Variants in SERPINF1 observed in about 807,000 individuals in gnomAD.
SERPINF1 encodes the protein serpin family F member 1.
SERPINF1 carries 29 observed loss-of-function variants against 37.3 expected under a neutral mutation model. The observed-to-expected ratio is 0.78, with a 90% CI of 0.58 to 1.06. SERPINF1 has a LOEUF of 1.06. SERPINF1 is among the 50% of genes least tolerant of loss of function. The pLI, the probability that SERPINF1 is intolerant of heterozygous loss-of-function variation, is 0.00. For synonymous variants in SERPINF1, 281 were observed against 227.9 expected, an observed-to-expected ratio of 1.23 and a Z score of -2.10; for missense variants, 553 against 532.2, an observed-to-expected ratio of 1.04 and a Z score of -0.38.
intron 1 of SERPINF1, chr17:1,766,597 T>TAAATAAAA (rs1184949948): frequency 5.4e-6 from 1 of 185,008 alleles, no homozygotes; most frequent in Non-Finnish European, 1.1e-5. Flanking sequence ...AATAAATAAA[T>TAAATAAAA]AAAAGCTTTA....
Position 1,774,980 on chromosome 17 carries a change from G to A in SERPINF1, c.644-78G>A, listed in dbSNP as rs575240591. 8.2e-6 allele frequency: 13 copies of A among 1,592,856 alleles called. No individual in the cohort carries two copies. In the East Asian group the frequency reaches 1.8e-4, roughly 22 times the overall value. ...CTTGAGTGGGGCAATTTTCAACAACGTGCTCTGGGGACACAGCATGGCGCC... is the reference window on the plus strand; with the variant it reads ...CTTGAGTGGGGCAATTTTCAACAACATGCTCTGGGGACACAGCATGGCGCC... On this transcript the variant is annotated intron_variant, in intron 5 of 7. Transcript: ENST00000254722.
chr17:1,767,903 G>A (rs898275378), intron 2 of SERPINF1, among the ~76,000 whole-genome samples: 5 of 152,146 alleles, frequency 3.3e-5, no homozygotes, highest in Admixed American at 2.6e-4. Context: ...GGCAATGGGC[G>A]GAAATAAAAA....
intron 6 of SERPINF1, among the ~76,000 whole-genome samples, chr17:1,776,127 C>CGG (rs1908014257): frequency 6.6e-6 from 1 of 152,046 alleles, no homozygotes; most frequent in Admixed American, 6.5e-5. Flanking sequence ...AGCCCTCTTA[C>CGG]GGCCCCTTCG....
At chr17:1,772,237 C>T (rs958336505) in intron 5 of SERPINF1, among the ~76,000 whole-genome samples, 162 bp downstream of exon 5, 24 of 152,124 alleles carry the variant, frequency 1.6e-4, no homozygotes, top group Admixed American at 3.9e-4. Flanking sequence ...GTGCCTCAGC[C>T]TCCCGAGTAG....
At position 1,766,963 on chromosome 17, in the gene SERPINF1, G is replaced by A. The variant is rs1468875256; in HGVS notation, c.53G>A (p.Ser18Asn). 1.9e-6 allele frequency: 3 copies of A among 1,561,994 alleles called. No homozygotes were observed. The highest frequency in any genetic ancestry group is 4.8e-5 in the East Asian group (2 of 42,078). ...ATTGGAGCCCTCCTCGGGCACAGCA[G>A]CTGCCAGAACCCTGCCAGCCCCCCG... ...LCIGALLGHS[S>N]CQNPASPPEE... Residue 18 changes from serine to asparagine, a missense_variant, in exon 2 of 8, where the codon AGC (serine) becomes AAC (asparagine). Transcript: ENST00000254722.
At chr17:1,774,973 C>T in intron 5 of SERPINF1, 85 bp from the exon 6 acceptor site, 4 of 1,587,736 alleles carry the variant, frequency 2.5e-6, no homozygotes, top group Non-Finnish European at 3.5e-6. Flanking sequence ...GGGCAATTTT[C>T]AACAACGTGC....
chr17:1,774,669 C>T (rs952119976), intron 5 of SERPINF1, among the ~76,000 whole-genome samples: 1 of 151,972 alleles, frequency 6.6e-6, no homozygotes, highest in Non-Finnish European at 1.5e-5. Flanking sequence ...TTCATGTTGG[C>T]CAGGCTGGTC....
At chr17:1,764,139 G>A (rs1907234776) in intron 1 of SERPINF1, among the ~76,000 whole-genome samples, 2 of 152,204 alleles carry the variant, frequency 1.3e-5, no homozygotes, top group South Asian at 2.1e-4. Context: ...CTGAGATCGC[G>A]CCACTGCACT....
chr17:1,769,164 C>T (rs1276542773), intron 2 of SERPINF1, among the ~76,000 whole-genome samples: 5 of 150,624 alleles, frequency 3.3e-5, no homozygotes, highest in Admixed American at 6.6e-5. Flanking sequence ...AATCCCAGCA[C>T]TTTGGTAGAC....
At position 1,776,674 on chromosome 17, in the gene SERPINF1, C is replaced by T. The variant is rs190292375; in HGVS notation, c.929C>T (p.Ala310Val). ...GACCGAGAACTGAAGACCGTGCAGGCGGTCCTCACTGTCCCCAAGCTGAAG... is the reference window on the plus strand; with the variant it reads ...GACCGAGAACTGAAGACCGTGCAGGTGGTCCTCACTGTCCCCAAGCTGAAG... ...DIDRELKTVQ[A>V]VLTVPKLKLS... is the part of the protein sequence containing the mutation. The change falls in exon 7 of 8, where the codon GCG becomes GTG. Residue 310 changes from alanine (A) to valine (V), a missense_variant. Coordinates refer to ENST00000254722, the MANE Select transcript of SERPINF1 (RefSeq NM_002615.7). The T allele has an allele frequency of 1.2e-5, 20 of 1,613,542 alleles. No individual in the cohort carries two copies. Among genetic ancestry groups the T allele is most frequent in the Admixed American group, 6.7e-5 (4 of 59,944 alleles).
chr17:1,770,379 G>T (rs2151207706), intron 3 of SERPINF1: 1 of 455,350 alleles, frequency 2.2e-6, no homozygotes, highest in South Asian at 2.3e-5. Context: ...CAAACAAGCA[G>T]GTGTGGGCTT....
intron 3 of SERPINF1, 143 bp downstream of exon 3, chr17:1,770,193 T>C: frequency 2.3e-6 from 2 of 883,392 alleles, no homozygotes; most frequent in Non-Finnish European, 3.5e-6. Context: ...GTCCCAGCTG[T>C]GTAAGCAGGA....
At chr17:1,777,108 G>A in intron 7 of SERPINF1, 79 bp from the exon 8 acceptor site, 1 of 1,609,180 alleles carries the variant, frequency 6.2e-7, no homozygotes, top group African/African-American at 1.3e-5. Flanking sequence ...CGCCATCCCA[G>A]CTTGCTTGCA....
chr17:1,776,696 G>A lies in SERPINF1; in HGVS notation c.951G>A (p.Leu317=), dbSNP rs1908052614. 1 of 1,613,348 alleles carries A rather than the reference G, an allele frequency of 6.2e-7. No homozygotes were observed. The highest frequency in any genetic ancestry group is 8.5e-7 in the Non-Finnish European group (1 of 1,179,700). Residue 317 remains leucine, a synonymous_variant, in exon 7 of 8, where the codon CTG becomes CTA. Transcript: ENST00000254722. ...TVQAVLTVPK[L]KLSYEGEVTK... ...AGGCGGTCCTCACTGTCCCCAAGCT[G>A]AAGCTGAGTTATGAAGGCGAAGTCA...
intron 4 of SERPINF1, 176 bp from the exon 5 acceptor site, chr17:1,771,696 C>T (rs935771117): frequency 3.0e-6 from 2 of 676,392 alleles, no homozygotes; most frequent in African/African-American, 1.8e-5. Flanking sequence ...AATCTGCTGC[C>T]CCCCTGGCCA....
intron 1 of SERPINF1, chr17:1,762,745 T>G (rs951015441): frequency 6.6e-6 from 1 of 152,340 alleles, no homozygotes; most frequent in Non-Finnish European, 1.5e-5. Context: ...GGGCGACCAA[T>G]GAGGTTGTGG....
At chr17:1,775,453 C>G (rs1245656757) in intron 6 of SERPINF1, among the ~76,000 whole-genome samples, 1 of 152,066 alleles carries the variant, frequency 6.6e-6, no homozygotes, top group Non-Finnish European at 1.5e-5. Flanking sequence ...GGCCCTCAGA[C>G]TGGGCACCCA....
rs1218414486 is a variant in SERPINF1, at chr17:1,775,184, C to T, written c.770C>T (p.Ser257Leu). The T allele has an allele frequency of 1.2e-6, 2 of 1,611,258 alleles. No homozygotes were observed. Among genetic ancestry groups the T allele is most frequent in the Non-Finnish European group, 1.7e-6 (2 of 1,178,520 alleles). The change falls in exon 6 of 8, where the codon TCA becomes TTA. Residue 257 changes from serine to leucine, a missense_variant. Coordinates refer to ENST00000254722, the MANE Select transcript of SERPINF1 (RefSeq NM_002615.7). ...PKAVLRYGLD[S>L]DLSCKIAQLP... is the part of the protein sequence containing the mutation. ...GCTGTTTTACGCTATGGCTTGGATT[C>T]AGATCTCAGCTGCAAGGTCTGTAGG...
chr17:1,771,909 A>G lies in SERPINF1; in HGVS notation c.477A>G (p.Glu159=), dbSNP rs950095511. Residue 159 remains glutamate, a synonymous_variant, in exon 5 of 8, where the codon GAA becomes GAG. Transcript: ENST00000254722. ...RIKSSFVAPL[E]KSYGTRPRVL... ...AATCCAGCTTTGTGGCACCTCTGGA[A>G]AAGTCATATGGGACCAGGCCCAGAG... 1 of 1,613,750 alleles carries G rather than the reference A, an allele frequency of 6.2e-7. No individual in the cohort carries two copies. The highest frequency in any genetic ancestry group is 1.3e-5 in the African/African-American group (1 of 74,902).
Sources: gnomAD v4.1 joint callset for allele counts (sites outside exome capture counted in the v4.1 genomes callset) on GRCh38, gnomAD v4.1.1 for gene constraint, MANE v1.5 for transcripts, NCBI Gene and HGNC (gene_info 2026-07-23, HGNC 2026-07-21) for gene names.